NIPSNAP3A: variants seen among roughly 807,000 people sequenced by gnomAD.
NIPSNAP3A encodes the protein nipsnap homolog 3A.
Under a neutral mutation model 32.3 loss-of-function variants are expected in NIPSNAP3A, and 27 were observed. The ratio of observed to expected loss-of-function variants is 0.84; its 90% confidence interval spans 0.62 to 1.15. The LOEUF is 1.15. Among genes scored for constraint, NIPSNAP3A ranks in the 50% most tolerant of loss-of-function variants. The pLI is 0.00. For synonymous variants in NIPSNAP3A, 108 were observed against 107.3 expected (o/e 1.01, Z -0.04); for missense variants, 278 against 297.2 (o/e 0.94, Z 0.48).
At position 104,747,759 on chromosome 9, in the gene NIPSNAP3A, G is replaced by C; in HGVS notation, c.-34G>C. The C allele has an allele frequency of 6.3e-7, 1 of 1,596,208 alleles. No homozygotes were observed. Among genetic ancestry groups the C allele is most frequent in the Non-Finnish European group, 8.5e-7 (1 of 1,171,840 alleles). ...TTCAGAGGAGTCTCAGAAAGGACAC[G>C]GCTGGCTGCTTTTCTCAGCGCCGAA... On this transcript the variant is annotated 5_prime_UTR_variant, in exon 1 of 6. Transcript: ENST00000374767.
At position 104,759,972 on chromosome 9, in the gene NIPSNAP3A, G is replaced by A. The variant is rs1232975488; in HGVS notation, c.*634G>A. Reference sequence around the variant, plus strand: ...ATCTAGAAAAGACTTGTTGGTTTATGTGCTGAAATGTCTTTATTTATAATT... The same window carrying A: ...ATCTAGAAAAGACTTGTTGGTTTATATGCTGAAATGTCTTTATTTATAATT... On this transcript the variant is annotated 3_prime_UTR_variant, in exon 6 of 6. Transcript: ENST00000374767. The A allele has an allele frequency of 6.6e-6, 1 of 152,120 alleles. No homozygotes were observed. The highest frequency in any genetic ancestry group is 1.9e-4 in the East Asian group (1 of 5,200). The allele number at this position is 152,120 out of a possible 1,614,324, so 9.4% of individuals were successfully genotyped here. A position where few individuals can be genotyped will look rare whatever the true frequency, so the allele number is the denominator to read the frequency against.
intron 1 of NIPSNAP3A, among the ~76,000 whole-genome samples, 165 bp downstream of exon 1, chr9:104,748,017 G>T (rs75820702): frequency 1.2e-3 from 186 of 152,320 alleles, no homozygotes; most frequent in African/African-American, 4.3e-3. Flanking sequence ...CCCAAGACAG[G>T]GGTACCCGGA....
chr9:104,750,595 C>T (rs1258284285), intron 1 of NIPSNAP3A, among the ~76,000 whole-genome samples: 3 of 152,174 alleles, frequency 2.0e-5, no homozygotes, highest in African/African-American at 4.8e-5. Flanking sequence ...ATACGGCTTA[C>T]ACCACATAGC....
rs571008121 is a variant in NIPSNAP3A, at chr9:104,757,696, T to A, written c.581-1389T>A. ...CGATATACATGTACGTCATATCGTG[T>A]ATTTACATAAGCATAAGCAAATATG... is the stretch of plus-strand genomic sequence containing the variant. On this transcript the variant is annotated intron_variant, in intron 4 of 5. Transcript: ENST00000374767. Among the ~76,000 whole-genome samples the A allele has an allele frequency of 2.6e-5, 4 of 152,318 alleles. No individual in the cohort carries two copies. In the South Asian group the frequency reaches 8.3e-4, roughly 32 times the overall value.
At chr9:104,749,832 A>G (rs192161452) in intron 1 of NIPSNAP3A, among the ~76,000 whole-genome samples, 36 of 152,302 alleles carry the variant, frequency 2.4e-4, no homozygotes, top group Non-Finnish European at 3.8e-4. Context: ...CTTAAGTGAT[A>G]TTTTCATCAA....
At position 104,751,119 on chromosome 9, in the gene NIPSNAP3A, T is replaced by C. The variant is rs764925387; in HGVS notation, c.224T>C (p.Val75Ala). 2 of 1,614,028 alleles carry C rather than the reference T, an allele frequency of 1.2e-6. No homozygotes were observed. The highest frequency in any genetic ancestry group is 8.5e-7 in the Non-Finnish European group (1 of 1,179,918). The change falls in exon 2 of 6, where the codon GTA becomes GCA. Residue 75 changes from valine (V) to alanine (A), a missense_variant. By Grantham distance (64) the Val-to-Ala change is moderately conservative. Transcript: ENST00000374767. ...TCTGAATTGGTTGGATACTGGAGTG[T>C]AGAATTTGGAGGCAGAATGAATACA... ...AHSELVGYWS[V>A]EFGGRMNTVF...
intron 1 of NIPSNAP3A, among the ~76,000 whole-genome samples, chr9:104,749,324 T>C (rs1827818218): frequency 6.6e-6 from 1 of 152,226 alleles, no homozygotes; most frequent in South Asian, 2.1e-4. Flanking sequence ...TTTTTGTTGG[T>C]AGGCTTAGTC....
intron 4 of NIPSNAP3A, 95 bp from the exon 5 acceptor site, chr9:104,758,990 A>C (rs1827940695): frequency 1.8e-6 from 2 of 1,118,484 alleles, no homozygotes; most frequent in African/African-American, 1.6e-5. Context: ...AAAAAAAAAA[A>C]AAAAAAGAAT....
In NIPSNAP3A at chr9:104,759,082, C is replaced by T; in HGVS notation, c.581-3C>T. Reference sequence around the variant, plus strand: ...AGAAGCTACTTGTGGTTTATTTCTGCAGTTCATGTTCTTTGGTGGAATGAG... The same window carrying T: ...AGAAGCTACTTGTGGTTTATTTCTGTAGTTCATGTTCTTTGGTGGAATGAG... On this transcript the variant is annotated splice_region_variant and splice_polypyrimidine_tract_variant and intron_variant, in intron 4 of 5. Coordinates refer to ENST00000374767, the MANE Select transcript of NIPSNAP3A (RefSeq NM_015469.3). 1 of 1,607,996 alleles carries T rather than the reference C, an allele frequency of 6.2e-7. No homozygotes were observed. The highest frequency in any genetic ancestry group is 8.5e-7 in the Non-Finnish European group (1 of 1,177,318).
intron 4 of NIPSNAP3A, among the ~76,000 whole-genome samples, chr9:104,755,483 A>G (rs1002590401): frequency 3.3e-5 from 5 of 152,014 alleles, no homozygotes; most frequent in African/African-American, 9.7e-5. Flanking sequence ...ATGTATATAT[A>G]TTGAGGTAAA....
At chr9:104,759,000 T>TAAA in intron 4 of NIPSNAP3A, 85 bp from the exon 5 acceptor site, 4 of 789,548 alleles carry the variant, frequency 5.1e-6, no homozygotes, top group Non-Finnish European at 7.9e-6. Flanking sequence ...AAAAAAAGAA[T>TAAA]AGGATGGGTT....
In NIPSNAP3A at chr9:104,759,436, G is replaced by A; in HGVS notation, c.*98G>A. On this transcript the variant is annotated 3_prime_UTR_variant, in exon 6 of 6. Coordinates refer to ENST00000374767, the MANE Select transcript of NIPSNAP3A (RefSeq NM_015469.3). ...AAGAGGTTCTCACTTTTATTTGAAG[G>A]AGGTGTTAAGTTAATTTGCTATGTT... is the stretch of plus-strand genomic sequence containing the variant. 1 of 1,222,238 alleles carries A rather than the reference G, an allele frequency of 8.2e-7. No individual in the cohort carries two copies. Among genetic ancestry groups the A allele is most frequent in the Non-Finnish European group, 1.2e-6 (1 of 846,456 alleles). The allele number at this position is 1,222,238 out of a possible 1,614,324, so 75.7% of individuals were successfully genotyped here.
intron 1 of NIPSNAP3A, among the ~76,000 whole-genome samples, 182 bp downstream of exon 1, chr9:104,748,034 G>C (rs754384643): frequency 1.9e-4 from 21 of 112,474 alleles, no homozygotes; most frequent in Non-Finnish European, 4.0e-4. Flanking sequence ...CGGAACGCGC[G>C]TGAGGAGGAG....
In NIPSNAP3A at chr9:104,754,542, C is replaced by G. The variant is rs762009837; in HGVS notation, c.431-9C>G. Reference sequence around the variant, plus strand: ...GTTTTCTGAAAAATTCTTTTTCTCCCTATTCCAGGAGTCTATGAACTGGCC... The same window carrying G: ...GTTTTCTGAAAAATTCTTTTTCTCCGTATTCCAGGAGTCTATGAACTGGCC... On this transcript the variant is annotated splice_polypyrimidine_tract_variant and intron_variant, in intron 3 of 5. Coordinates refer to ENST00000374767, the MANE Select transcript of NIPSNAP3A (RefSeq NM_015469.3). 8 of 1,612,896 alleles carry G rather than the reference C, an allele frequency of 5.0e-6. No individual in the cohort carries two copies. In the South Asian group the frequency reaches 6.6e-5, roughly 13 times the overall value.
rs1827862516 is a variant in NIPSNAP3A, at chr9:104,752,908, A to G, written c.274A>G (p.Asn92Asp). The change falls in exon 3 of 6, where the codon AAT (asparagine) becomes GAT (aspartate). Residue 92 changes from asparagine to aspartate, a missense_variant and splice_region_variant. Transcript: ENST00000374767. ...TCTTAATTCTTTTCTTCCCACAGAT[A>G]ATTTTGCTCATCGAACTGAAGTTCG... ...NTVFHIWKYD[N>D]FAHRTEVRKA... is the part of the protein sequence containing the mutation. 1.2e-6 allele frequency: 2 copies of G among 1,611,292 alleles called. No individual in the cohort carries two copies. Among genetic ancestry groups the G allele is most frequent in the East Asian group, 2.2e-5 (1 of 44,826 alleles).
intron 2 of NIPSNAP3A, among the ~76,000 whole-genome samples, 190 bp downstream of exon 2, chr9:104,751,356 C>A (rs1564051328): frequency 6.6e-6 from 1 of 152,178 alleles, no homozygotes; most frequent in African/African-American, 2.4e-5. Flanking sequence ...CAGTGGTACA[C>A]CTCTAACCCC....
intron 4 of NIPSNAP3A, among the ~76,000 whole-genome samples, chr9:104,757,657 C>T (rs553339658): frequency 2.9e-4 from 44 of 152,174 alleles, no homozygotes; most frequent in Middle Eastern, 3.4e-3. Context: ...GTAATACATA[C>T]GTAATACAGA....
chr9:104,757,713 G>A (rs1447137394), intron 4 of NIPSNAP3A, among the ~76,000 whole-genome samples: 2 of 151,978 alleles, frequency 1.3e-5, no homozygotes, highest in Admixed American at 1.3e-4. Context: ...ATAAGCATAA[G>A]CAAATATGCT....
At chr9:104,756,920 C>T (rs1827913200) in intron 4 of NIPSNAP3A, among the ~76,000 whole-genome samples, 1 of 150,748 alleles carries the variant, frequency 6.6e-6, no homozygotes, top group Non-Finnish European at 1.5e-5. Flanking sequence ...TCTCCTGCCT[C>T]AGCCTCCCAA....
Sources: allele counts gnomAD v4.1 joint callset (sites outside exome capture counted in the v4.1 genomes callset), GRCh38; gene constraint gnomAD v4.1.1; transcripts MANE v1.5; gene names NCBI Gene and HGNC (gene_info 2026-07-23, HGNC 2026-07-21).